UBXN2B: variants seen among roughly 807,000 people sequenced by gnomAD.
UBXN2B encodes UBX domain-containing protein 2B.
Under a neutral mutation model 37.5 loss-of-function variants are expected in UBXN2B, and 19 were observed. The ratio of observed to expected loss-of-function variants is 0.51; its 90% CI spans 0.35 to 0.74. UBXN2B has a LOEUF of 0.74. Among genes scored for constraint, UBXN2B ranks in the 30% least tolerant of loss-of-function variants. The probability of loss-of-function intolerance (pLI) is 0.01; values close to 1 mark genes in which losing one functional copy is unlikely to be tolerated. For missense variants in UBXN2B, 370 were observed against 393.2 expected, an observed-to-expected ratio of 0.94 and a Z score of 0.50; for synonymous variants, 145 against 143.8, an observed-to-expected ratio of 1.01 and a Z score of -0.06.
At chr8:58,424,997 C>T (rs937365096) in intron 2 of UBXN2B, 30 of 786,860 alleles carry the variant, frequency 3.8e-5, no homozygotes, top group African/African-American at 2.4e-4. Context: ...CCAGCACTGC[C>T]GTGCACCACG....
At position 58,416,853 on chromosome 8, in the gene UBXN2B, G is replaced by C. The variant is rs772152167; in HGVS notation, c.88G>C (p.Ala30Pro). ...TAACAAGCCTGTTATTATGTAGTTG[G>C]CCTTGGCAGAATTGTATGAAGATGA... ...RPPSARDLQL[A>P]LAELYEDEVK... is the part of the protein sequence containing the mutation. Residue 30 changes from alanine (A) to proline (P), a missense_variant, in exon 2 of 8, where the codon GCC (alanine) becomes CCC (proline). Around this residue, in one of 3 missense-constraint regions of UBXN2B, gnomAD observed 197 missense variants for 170.2 expected, o/e 1.16. Transcript: ENST00000399598. 1 of 1,610,940 alleles carries C rather than the reference G, an allele frequency of 6.2e-7. No homozygotes were observed. The highest frequency in any genetic ancestry group is 2.2e-5 in the East Asian group (1 of 44,750).
chr8:58,436,206 C>G (rs1415262843), intron 5 of UBXN2B, among the ~76,000 whole-genome samples: 1 of 152,158 alleles, frequency 6.6e-6, no homozygotes, highest in Non-Finnish European at 1.5e-5. Flanking sequence ...AGTAGCATTG[C>G]ATTCAAGGAC....
At position 58,447,682 on chromosome 8, in the gene UBXN2B, T is replaced by C. The variant is rs1808712607; in HGVS notation, c.*131T>C. 1 of 898,588 alleles carries C rather than the reference T, an allele frequency of 1.1e-6. No individual in the cohort carries two copies. The highest frequency in any genetic ancestry group is 1.6e-6 in the Non-Finnish European group (1 of 644,344). The allele number at this position is 898,588 out of a possible 1,614,324, so 55.7% of individuals were successfully genotyped here. On this transcript the variant is annotated 3_prime_UTR_variant, in exon 8 of 8. Coordinates refer to ENST00000399598, the MANE Select transcript of UBXN2B (RefSeq NM_001077619.2). The stretch of plus-strand genomic sequence containing the variant: ...CAGATAAATTTTGGTTTTATTGTTA[T>C]TCTGTCTTCCAATCTGAATATAGAC...
At position 58,426,587 on chromosome 8, in the gene UBXN2B, A is replaced by G. The variant is rs189532311; in HGVS notation, c.189-3932A>G. On this transcript the variant is annotated intron_variant, in intron 2 of 7. Coordinates refer to ENST00000399598, the MANE Select transcript of UBXN2B (RefSeq NM_001077619.2). The stretch of plus-strand genomic sequence containing the variant: ...TGAAGTCTCCAGGGTTACTTTTACT[A>G]GGCCTTGCCAAAAAACTGCTGTCAG... 454 of 752,354 alleles carry G rather than the reference A, an allele frequency of 6.0e-4. 1 individual carries two copies. In the African/African-American group the frequency reaches 6.9e-3, roughly 11 times the overall value. 46.6% of individuals were successfully genotyped at this position (752,354 alleles called of 1,614,324 possible).
chr8:58,444,388 G>A (rs1808620998), intron 6 of UBXN2B, among the ~76,000 whole-genome samples: 1 of 152,272 alleles, frequency 6.6e-6, no homozygotes, highest in East Asian at 1.9e-4. Flanking sequence ...GCACAATAAG[G>A]GTAAGTGACT....
chr8:58,443,394 A>T (rs191025827), intron 6 of UBXN2B, among the ~76,000 whole-genome samples: 184 of 152,166 alleles, frequency 1.2e-3, no homozygotes, highest in African/African-American at 4.0e-3. Context: ...TTCTTAAAAA[A>T]TTTTCTTTTT....
In UBXN2B at chr8:58,433,238, C is replaced by T; in HGVS notation, c.418C>T (p.Gln140Ter). The change falls in exon 4 of 8, where the codon CAA becomes TAA. Residue 140 changes from glutamine (Q) to a stop codon, truncating the protein, a stop_gained. Coordinates refer to ENST00000399598, the MANE Select transcript of UBXN2B (RefSeq NM_001077619.2). LOFTEE classifies it high-confidence loss of function. Reference protein sequence around the residue: ...SEYIYGENQLQDVQILLKLWS... With the variant: ...SEYIYGENQL ...ATATATCTATGGAGAAAATCAGCTG[C>T]AAGATGTAGGTACAATAATCAAAAT... The T allele has an allele frequency of 6.2e-7, 1 of 1,607,932 alleles. No individual in the cohort carries two copies. The highest frequency in any genetic ancestry group is 8.5e-7 in the Non-Finnish European group (1 of 1,176,354).
intron 6 of UBXN2B, among the ~76,000 whole-genome samples, chr8:58,445,557 C>G (rs146623941): frequency 6.6e-6 from 1 of 152,248 alleles, no homozygotes; most frequent in East Asian, 1.9e-4. Flanking sequence ...GATGTACTTA[C>G]TCAACTTTAC....
chr8:58,413,704 T>C (rs945096338), intron 1 of UBXN2B, among the ~76,000 whole-genome samples: 1 of 152,066 alleles, frequency 6.6e-6, no homozygotes, highest in Admixed American at 6.5e-5. Flanking sequence ...AGCTGCATAG[T>C]TGCTTCCCAA....
At chr8:58,442,674 A>G (rs939047960) in intron 6 of UBXN2B, among the ~76,000 whole-genome samples, 7 of 152,262 alleles carry the variant, frequency 4.6e-5, no homozygotes, top group Admixed American at 6.5e-5. Context: ...GCAATGGTAG[A>G]ACAAACTGTA....
At chr8:58,423,417 G>A (rs1036120289) in intron 2 of UBXN2B, among the ~76,000 whole-genome samples, 1 of 151,524 alleles carries the variant, frequency 6.6e-6, no homozygotes, top group Admixed American at 6.6e-5. Context: ...AGAACAGTTG[G>A]GGGTGGGTTT....
intron 1 of UBXN2B, among the ~76,000 whole-genome samples, chr8:58,414,896 A>C (rs1807733277): frequency 6.6e-6 from 1 of 152,264 alleles, no homozygotes; most frequent in African/African-American, 2.4e-5. Flanking sequence ...TATGTCACCA[A>C]AGAAAATTGT....
chr8:58,423,836 G>A (rs1808000640), intron 2 of UBXN2B, among the ~76,000 whole-genome samples: 1 of 150,902 alleles, frequency 6.6e-6, no homozygotes, highest in East Asian at 1.9e-4. Flanking sequence ...CCTTTTTTCT[G>A]AGTAGAAGAC....
intron 2 of UBXN2B, chr8:58,424,955 C>G: frequency 1.2e-6 from 1 of 808,120 alleles, no homozygotes; most frequent in Non-Finnish European, 2.2e-6. Context: ...GTCAGAATAT[C>G]AATCACAACG....
In UBXN2B at chr8:58,436,797, T is replaced by C. The variant is rs1306433961; in HGVS notation, c.533+2293T>C. Among the ~76,000 whole-genome samples the C allele has an allele frequency of 2.6e-5, 4 of 152,336 alleles. No homozygotes were observed. In the East Asian group the frequency reaches 5.8e-4, roughly 22 times the overall value. On this transcript the variant is annotated intron_variant, in intron 5 of 7. Transcript: ENST00000399598. The stretch of plus-strand genomic sequence containing the variant: ...GTCCCCCTTTGCCTTCTACCATGAT[T>C]GTAAGTTCCCTGCGGCTTCACCAGA...
chr8:58,438,587 C>G (rs1345629965), intron 5 of UBXN2B, among the ~76,000 whole-genome samples: 1 of 152,176 alleles, frequency 6.6e-6, no homozygotes, highest in Non-Finnish European at 1.5e-5. Context: ...TGGCAGATCT[C>G]TCTTTTGGAA....
intron 2 of UBXN2B, among the ~76,000 whole-genome samples, chr8:58,430,104 A>C (rs1808204450): frequency 6.6e-6 from 1 of 152,238 alleles, no homozygotes; most frequent in East Asian, 1.9e-4. Context: ...GTCTAAATCT[A>C]AAGATCTCGT....
At position 58,434,899 on chromosome 8, in the gene UBXN2B, T is replaced by C. The variant is rs905240683; in HGVS notation, c.533+395T>C. The stretch of plus-strand genomic sequence containing the variant: ...TGTATGCCTGAAATTCAGCAACTTA[T>C]GTTAGAAATCTTTTAATGTGGCATT... On this transcript the variant is annotated intron_variant, in intron 5 of 7. Coordinates refer to ENST00000399598, the MANE Select transcript of UBXN2B (RefSeq NM_001077619.2). 5.2e-6 allele frequency: 8 copies of C among 1,535,534 alleles called. No homozygotes were observed. In the Admixed American group the frequency reaches 7.8e-5, roughly 15 times the overall value.
At chr8:58,417,901 G>T (rs149249863) in intron 2 of UBXN2B, among the ~76,000 whole-genome samples, 1 of 152,062 alleles carries the variant, frequency 6.6e-6, no homozygotes, top group Admixed American at 6.6e-5. Flanking sequence ...TGAGTCTCCC[G>T]AGAAGAAGCA....
Sources: allele counts gnomAD v4.1 joint callset (sites outside exome capture counted in the v4.1 genomes callset), GRCh38; gene constraint gnomAD v4.1.1; regional missense constraint gnomAD v4.1.1; transcripts MANE v1.5; gene names NCBI Gene and HGNC (gene_info 2026-07-23, HGNC 2026-07-21).